ST8SIA2: variants seen among roughly 807,000 people sequenced by gnomAD.
ST8SIA2 encodes alpha-2,8-sialyltransferase 8B.
ST8SIA2 carries 22 observed loss-of-function variants against 37.6 expected under a neutral mutation model. The ratio of observed to expected loss-of-function variants is 0.58; its 90% confidence interval spans 0.42 to 0.83. The LOEUF is 0.83. Ranked by LOEUF, ST8SIA2 falls within the 40% of genes least tolerant of loss-of-function variation. The pLI is 0.00. For synonymous variants in ST8SIA2, 205 were observed against 201.2 expected, an observed-to-expected ratio of 1.02 and a Z score of -0.16; for missense variants, 382 against 484.7, an observed-to-expected ratio of 0.79 and a Z score of 1.99.
intron 1 of ST8SIA2, among the ~76,000 whole-genome samples, chr15:92,403,917 G>T (rs914907580): frequency 1.3e-5 from 2 of 152,194 alleles, no homozygotes; most frequent in African/African-American, 4.8e-5. Flanking sequence ...CTTGGCCCGG[G>T]CAGGGAGCCT....
At chr15:92,443,576 A>T (rs1017959805) in intron 4 of ST8SIA2, among the ~76,000 whole-genome samples, 4 of 151,824 alleles carry the variant, frequency 2.6e-5, no homozygotes, top group Non-Finnish European at 4.4e-5. Context: ...CTGCTCCAGA[A>T]CCCTCAGTGG....
intron 1 of ST8SIA2, among the ~76,000 whole-genome samples, chr15:92,410,117 A>G (rs971741095): frequency 1.3e-5 from 2 of 152,236 alleles, no homozygotes; most frequent in African/African-American, 2.4e-5. Flanking sequence ...AGTGGACTCA[A>G]TGGACCTACA....
At chr15:92,429,049 C>A (rs1486253916) in intron 1 of ST8SIA2, among the ~76,000 whole-genome samples, 1 of 152,166 alleles carries the variant, frequency 6.6e-6, no homozygotes. Context: ...ACTCCCCCCG[C>A]AGTGTTCTCA....
intron 5 of ST8SIA2, among the ~76,000 whole-genome samples, chr15:92,455,325 G>A (rs1280905687): frequency 1.3e-5 from 2 of 152,104 alleles, no homozygotes; most frequent in African/African-American, 2.4e-5. Context: ...AGGCATAGGT[G>A]GCTCCCGGCA....
At chr15:92,457,709 G>T (rs1214120950) in intron 5 of ST8SIA2, among the ~76,000 whole-genome samples, 1 of 152,184 alleles carries the variant, frequency 6.6e-6, no homozygotes, top group East Asian at 1.9e-4. Context: ...AGAGTGATTT[G>T]TTCCTGTATA....
In ST8SIA2 at chr15:92,426,814, C is replaced by T. The variant is rs148361876; in HGVS notation, c.99-3235C>T. Among the ~76,000 whole-genome samples, 37 of 152,300 alleles carry T rather than the reference C, an allele frequency of 2.4e-4. No homozygotes were observed. In the East Asian group the frequency reaches 4.0e-3, roughly 17 times the overall value. ...CAAAAAATGGTAAGTGTGGGCTGGG[C>T]GTGATGGCTCACGCTTGTAATCCCA... On this transcript the variant is annotated intron_variant, in intron 1 of 5. Coordinates refer to ENST00000268164, the MANE Select transcript of ST8SIA2 (RefSeq NM_006011.4).
chr15:92,450,485 G>T (rs73547855), intron 5 of ST8SIA2, among the ~76,000 whole-genome samples: 1 of 152,132 alleles, frequency 6.6e-6, no homozygotes, highest in African/African-American at 2.4e-5. Context: ...CTGCAGGCTC[G>T]CCAGGAATCA....
Position 92,444,935 on chromosome 15 carries a change from C to T in ST8SIA2, c.842+6C>T, listed in dbSNP as rs11637874. The T allele has an allele frequency of 0.14, 222,747 of 1,608,490 alleles. 19,551 individuals are homozygous for T. The highest frequency in any genetic ancestry group is 0.43 in the African/African-American group (32,211 of 74,976). On this transcript the variant is annotated splice_donor_region_variant and intron_variant, in intron 5 of 5. Coordinates refer to ENST00000268164, the MANE Select transcript of ST8SIA2 (RefSeq NM_006011.4). The stretch of plus-strand genomic sequence containing the variant: ...CTGCTGCACGCCGTTCGCGGGTGAG[C>T]GGCCTCCCTACAGGCCAGTAGGACC...
At chr15:92,430,252 A>G in intron 2 of ST8SIA2, 141 bp downstream of exon 2, 1 of 843,508 alleles carries the variant, frequency 1.2e-6, no homozygotes, top group Non-Finnish European at 1.9e-6. Context: ...TTCCCTAATC[A>G]CTTTTGGGGG....
At chr15:92,409,629 CTA>C (rs1274285190) in intron 1 of ST8SIA2, among the ~76,000 whole-genome samples, 2 of 152,204 alleles carry the variant, frequency 1.3e-5, no homozygotes, top group Admixed American at 6.5e-5. Context: ...TGCTCAGTAA[CTA>C]TTTCTCAAAT....
chr15:92,434,360 T>C lies in ST8SIA2; in HGVS notation c.275T>C (p.Leu92Pro). 2.5e-6 allele frequency: 4 copies of C among 1,614,160 alleles called. No homozygotes were observed. The highest frequency in any genetic ancestry group is 3.4e-6 in the Non-Finnish European group (4 of 1,180,028). Residue 92 changes from leucine (L) to proline (P), a missense_variant, in exon 3 of 6, where the codon CTC becomes CCC. By Grantham distance (98) the Leu-to-Pro change is moderately conservative (BLOSUM62 -3). Coordinates refer to ENST00000268164, the MANE Select transcript of ST8SIA2 (RefSeq NM_006011.4). ...ASSKWRHNQT[L>P]SLRIRKQILK... ...TCCAAATGGAGACATAACCAGACGC[T>C]CTCTCTGAGGATCAGGTACTGGTAA...
intron 3 of ST8SIA2, among the ~76,000 whole-genome samples, chr15:92,435,877 C>T (rs1282028711): frequency 3.9e-5 from 6 of 152,130 alleles, no homozygotes; most frequent in Non-Finnish European, 7.4e-5. Flanking sequence ...TTACCAACAA[C>T]GCGGCGGCGG....
intron 1 of ST8SIA2, among the ~76,000 whole-genome samples, chr15:92,406,665 G>C (rs1310422315): frequency 6.6e-6 from 1 of 152,198 alleles, no homozygotes; most frequent in Non-Finnish European, 1.5e-5. Flanking sequence ...CACAGAGTCA[G>C]CCTAGAGGGA....
intron 1 of ST8SIA2, among the ~76,000 whole-genome samples, chr15:92,400,945 C>A (rs373444057): frequency 6.6e-6 from 1 of 152,184 alleles, no homozygotes; most frequent in African/African-American, 2.4e-5. Context: ...CGGGATGTGT[C>A]ATCTCAAAGA....
Position 92,394,025 on chromosome 15 carries a change from C to T in ST8SIA2, c.-40C>T, listed in dbSNP as rs779565439. On this transcript the variant is annotated 5_prime_UTR_variant, in exon 1 of 6. Transcript: ENST00000268164. ...GCTGCGCCCTCCGGCCCCTGCTCCT[C>T]GCGCCGGCCCGCGTGGGTCCCGGCG... is the stretch of plus-strand genomic sequence containing the variant. The T allele has an allele frequency of 2.3e-5, 35 of 1,507,192 alleles. No individual in the cohort carries two copies. The South Asian group carries it at 3.2e-4, about 14-fold the overall frequency. 93.4% of individuals were successfully genotyped at this position (1,507,192 alleles called of 1,614,324 possible).
intron 5 of ST8SIA2, among the ~76,000 whole-genome samples, chr15:92,448,103 C>T (rs1185852554): frequency 6.6e-6 from 1 of 152,194 alleles, no homozygotes; most frequent in Non-Finnish European, 1.5e-5. Flanking sequence ...TCTGTCAAAA[C>T]AGCATTAAGC....
At chr15:92,394,569 C>A (rs766761419) in intron 1 of ST8SIA2, among the ~76,000 whole-genome samples, 13 of 152,040 alleles carry the variant, frequency 8.6e-5, no homozygotes, top group Non-Finnish European at 1.8e-4. Context: ...GCCGCTTTCT[C>A]GCCTTGGCAA....
At chr15:92,435,234 T>A (rs1596241543) in intron 3 of ST8SIA2, among the ~76,000 whole-genome samples, 2 of 152,218 alleles carry the variant, frequency 1.3e-5, no homozygotes, top group African/African-American at 4.8e-5. Context: ...ATCTTACACA[T>A]AGATGGAAAT....
chr15:92,403,207 T>A (rs2049484288), intron 1 of ST8SIA2, among the ~76,000 whole-genome samples: 3 of 152,164 alleles, frequency 2.0e-5, no homozygotes, highest in Admixed American at 6.5e-5. Flanking sequence ...GTCTCGGGAC[T>A]TGCTAAGGTC....
Sources: gnomAD v4.1 joint callset for allele counts (sites outside exome capture counted in the v4.1 genomes callset) on GRCh38, gnomAD v4.1.1 for gene constraint, MANE v1.5 for transcripts, NCBI Gene and HGNC (gene_info 2026-07-23, HGNC 2026-07-21) for gene names.